RSPH4A: variants seen among roughly 807,000 people sequenced by gnomAD.
The protein encoded by RSPH4A is radial spoke head protein 4 homolog A.
A neutral mutation model predicts 71.0 loss-of-function variants in RSPH4A; 47 were observed. The ratio of observed to expected loss-of-function variants is 0.66; its 90% CI spans 0.52 to 0.84. The LOEUF is 0.84. Ranked by LOEUF, RSPH4A falls within the 40% of genes least tolerant of loss-of-function variation. RSPH4A has a pLI of 0.00. For missense variants in RSPH4A, 793 were observed against 855.2 expected (o/e 0.93, Z 0.91); for synonymous variants, 282 against 302.3 (o/e 0.93, Z 0.70).
At chr6:116,630,393 CTA>C in intron 4 of RSPH4A, 40 bp from the exon 5 acceptor site, 1 of 997,864 alleles carries the variant, frequency 1.0e-6, no homozygotes, top group Non-Finnish European at 1.6e-6. Context: ...AGATTCTTGT[CTA>C]GTTAGGAATT....
chr6:116,627,623 C>T lies in RSPH4A; in HGVS notation c.922-6C>T. Reference sequence around the variant, plus strand: ...TAAATTTTAACCACAGCATTTGTTTCCCCAGGCAGAAAACGCTCTTCCAAA... The same window carrying T: ...TAAATTTTAACCACAGCATTTGTTTTCCCAGGCAGAAAACGCTCTTCCAAA... On this transcript the variant is annotated splice_region_variant and splice_polypyrimidine_tract_variant and intron_variant, in intron 2 of 5. Transcript: ENST00000229554. 1 of 1,610,446 alleles carries T rather than the reference C, an allele frequency of 6.2e-7. No homozygotes were observed. The highest frequency in any genetic ancestry group is 8.5e-7 in the Non-Finnish European group (1 of 1,176,618).
Position 116,622,920 on chromosome 6 carries a change from C to A in RSPH4A, c.839C>A (p.Thr280Lys). The A allele has an allele frequency of 6.2e-7, 1 of 1,613,846 alleles. No homozygotes were observed. The highest frequency in any genetic ancestry group is 8.5e-7 in the Non-Finnish European group (1 of 1,179,842). Reference protein sequence around the residue: ...ALQNENELLPTYEIAEKQKAL... With the variant: ...ALQNENELLPKYEIAEKQKAL... ...CAAAATGAGAATGAGTTGCTTCCAA[C>A]ATATGAAATAGCAGAAAAGCAAAAG... The change falls in exon 2 of 6, where the codon ACA becomes AAA. Residue 280 changes from threonine (T) to lysine (K), a missense_variant. By Grantham distance (78) the Thr-to-Lys change is moderately conservative (BLOSUM62 -1). Transcript: ENST00000229554.
Position 116,627,912 on chromosome 6 carries a change from A to C in RSPH4A, c.1205A>C (p.Glu402Ala). ...DNGESEAHED[E>A]EDELPKSFYK... The stretch of plus-strand genomic sequence containing the variant: ...GGAGAAAGTGAAGCTCATGAAGATG[A>C]GGAAGATGAATTACCAAAGTCCTTT... The change falls in exon 3 of 6, where the codon GAG becomes GCG. Residue 402 changes from glutamate to alanine, a missense_variant. Glu to Ala is a moderately radical substitution (Grantham distance 107). Coordinates refer to ENST00000229554, the MANE Select transcript of RSPH4A (RefSeq NM_001010892.3). 6.2e-7 allele frequency: 1 copy of C among 1,614,040 alleles called. No homozygotes were observed. Among genetic ancestry groups the C allele is most frequent in the Non-Finnish European group, 8.5e-7 (1 of 1,179,912 alleles).
intron 2 of RSPH4A, among the ~76,000 whole-genome samples, chr6:116,624,195 C>T (rs1039751570): frequency 1.3e-5 from 2 of 152,194 alleles, no homozygotes; most frequent in Non-Finnish European, 2.9e-5. Context: ...AGAGACCTAA[C>T]TGATGCAGTA....
rs1210983522 is a variant in RSPH4A, at chr6:116,616,741, T to C, written c.118T>C (p.Ser40Pro). 1 of 1,613,904 alleles carries C rather than the reference T, an allele frequency of 6.2e-7. No individual in the cohort carries two copies. Among genetic ancestry groups the C allele is most frequent in the African/African-American group, 1.3e-5 (1 of 74,900 alleles). The change falls in exon 1 of 6, where the codon TCT becomes CCT. Residue 40 changes from serine (S) to proline (P), a missense_variant. Physicochemically the swap from Ser to Pro is moderately conservative, Grantham distance 74. Transcript: ENST00000229554. ...ASPQYSEPESSEPLEAKQGPE... is the reference protein window; with the variant it reads ...ASPQYSEPESPEPLEAKQGPE... The stretch of plus-strand genomic sequence containing the variant: ...TCCCCAATATTCTGAGCCTGAGTCG[T>C]CTGAGCCCTTGGAGGCGAAGCAGGG...
rs1562388214 is a variant in RSPH4A, at chr6:116,617,511, C to CT, written c.686+202_686+203insT. On this transcript the variant is annotated intron_variant, in intron 1 of 5. Transcript: ENST00000229554. ...GATTCTTGTACCTTCTTTTTCTTAACCTTTTTTTTTTTTTGTCCTTTTCCT... is the reference window on the plus strand; with the variant it reads ...GATTCTTGTACCTTCTTTTTCTTAACTCTTTTTTTTTTTTTGTCCTTTTCCT... 2.8e-5 allele frequency among the ~76,000 whole-genome samples: 4 copies of CT among 141,858 alleles called. No individual in the cohort carries two copies. The Admixed American group carries it at 2.8e-4, about 10-fold the overall frequency. The allele number at this position is 141,858 out of a possible 152,430, so 93.1% of individuals were successfully genotyped here.
At chr6:116,618,023 G>A (rs1775540168) in intron 1 of RSPH4A, among the ~76,000 whole-genome samples, 1 of 152,204 alleles carries the variant, frequency 6.6e-6, no homozygotes, top group African/African-American at 2.4e-5. Context: ...TTTAGGGCTA[G>A]AAGGGCTTTT....
chr6:116,629,502 A>C (rs1775757055), intron 3 of RSPH4A, 65 bp from the exon 4 acceptor site: 2 of 1,511,074 alleles, frequency 1.3e-6, no homozygotes, highest in East Asian at 4.5e-5. Context: ...TGATCAATTC[A>C]AATGAATAAT....
Position 116,627,626 on chromosome 6 carries a change from C to G in RSPH4A, c.922-3C>G. 1 of 1,612,118 alleles carries G rather than the reference C, an allele frequency of 6.2e-7. No homozygotes were observed. The highest frequency in any genetic ancestry group is 1.1e-5 in the South Asian group (1 of 91,014). Reference sequence around the variant, plus strand: ...ATTTTAACCACAGCATTTGTTTCCCCAGGCAGAAAACGCTCTTCCAAATGT... The same window carrying G: ...ATTTTAACCACAGCATTTGTTTCCCGAGGCAGAAAACGCTCTTCCAAATGT... On this transcript the variant is annotated splice_region_variant and splice_polypyrimidine_tract_variant and intron_variant, in intron 2 of 5. Transcript: ENST00000229554.
Position 116,632,901 on chromosome 6 carries a change from A to C in RSPH4A, c.*460A>C. The C allele has an allele frequency of 5.4e-6, 1 of 186,738 alleles. No individual in the cohort carries two copies. Among genetic ancestry groups the C allele is most frequent in the Non-Finnish European group, 1.1e-5 (1 of 88,334 alleles). 11.6% of individuals were successfully genotyped at this position (186,738 alleles called of 1,614,324 possible). The stretch of plus-strand genomic sequence containing the variant: ...GAGTGTCAAGGGGTATGAAGACAAA[A>C]AATATTGATAGTCACTAGAGTAATG... On this transcript the variant is annotated 3_prime_UTR_variant, in exon 6 of 6. Coordinates refer to ENST00000229554, the MANE Select transcript of RSPH4A (RefSeq NM_001010892.3).
intron 2 of RSPH4A, among the ~76,000 whole-genome samples, chr6:116,624,287 G>T (rs1370289153): frequency 6.6e-6 from 1 of 152,140 alleles, no homozygotes; most frequent in Non-Finnish European, 1.5e-5. Context: ...GGTGGCAGTT[G>T]GTTATGTAGC....
Position 116,629,566 on chromosome 6 carries a change from G to T in RSPH4A, c.1663-1G>T. ...CTAAATCTTGCAACATTCATTCCCA[G>T]GGTCGCTGTAATTGGTTCAACTCCA... On this transcript the variant is annotated splice_acceptor_variant, in intron 3 of 5. Transcript: ENST00000229554. LOFTEE classifies it high-confidence loss of function. 6.2e-7 allele frequency: 1 copy of T among 1,612,862 alleles called. No individual in the cohort carries two copies. Among genetic ancestry groups the T allele is most frequent in the Non-Finnish European group, 8.5e-7 (1 of 1,179,080 alleles).
intron 1 of RSPH4A, 123 bp from the exon 2 acceptor site, chr6:116,622,643 ATT>A (rs1775627991): frequency 1.5e-6 from 1 of 663,186 alleles, no homozygotes; most frequent in East Asian, 2.7e-5. Flanking sequence ...TAAGCTATAT[ATT>A]TTGTTTTTTT....
Position 116,617,170 on chromosome 6 carries a change from G to A in RSPH4A, c.547G>A (p.Glu183Lys). ...AGAGCTGAGATTTGACGTTTTTCAGGAGGAAGACTCAAACAGTGACTATGA... is the reference window on the plus strand; with the variant it reads ...AGAGCTGAGATTTGACGTTTTTCAGAAGGAAGACTCAAACAGTGACTATGA... ...QKELRFDVFQ[E>K]EDSNSDYDLQ... The change falls in exon 1 of 6, where the codon GAG becomes AAG. Residue 183 changes from glutamate to lysine, a missense_variant. Glu to Lys is a moderately conservative substitution (Grantham distance 56). Coordinates refer to ENST00000229554, the MANE Select transcript of RSPH4A (RefSeq NM_001010892.3). 6.2e-7 allele frequency: 1 copy of A among 1,614,220 alleles called. No homozygotes were observed. Among genetic ancestry groups the A allele is most frequent in the Non-Finnish European group, 8.5e-7 (1 of 1,180,046 alleles).
At position 116,627,811 on chromosome 6, in the gene RSPH4A, A is replaced by G; in HGVS notation, c.1104A>G (p.Val368=). Residue 368 remains valine, a synonymous_variant, in exon 3 of 6, where the codon GTA becomes GTG. Transcript: ENST00000229554. The part of the protein sequence containing the change: ...KILGLEMNYI[V]AEVEFREGED... ...TGGGTCTGGAAATGAATTATATTGT[A>G]GCTGAAGTGGAATTTCGTGAGGGGG... is the stretch of plus-strand genomic sequence containing the variant. The G allele has an allele frequency of 6.2e-7, 1 of 1,614,162 alleles. No individual in the cohort carries two copies. Among genetic ancestry groups the G allele is most frequent in the East Asian group, 2.2e-5 (1 of 44,882 alleles).
Position 116,627,781 on chromosome 6 carries a change from G to A in RSPH4A, c.1074G>A (p.Lys358=). The part of the protein sequence containing the change: ...HPIQRCRFWG[K]ILGLEMNYIV... ...TCCAAAGATGCCGCTTCTGGGGAAA[G>A]ATCTTGGGTCTGGAAATGAATTATA... Residue 358 remains lysine, a synonymous_variant, in exon 3 of 6, where the codon AAG becomes AAA. Transcript: ENST00000229554. The A allele has an allele frequency of 6.2e-7, 1 of 1,614,170 alleles. No homozygotes were observed.
At chr6:116,630,295 G>GT in intron 4 of RSPH4A, 140 bp from the exon 5 acceptor site, 5 of 725,184 alleles carry the variant, frequency 6.9e-6, no homozygotes, top group South Asian at 1.4e-5. Context: ...AGTTGCTGCT[G>GT]TTTTTTCTTT....
chr6:116,626,858 T>A (rs758778848), intron 2 of RSPH4A, among the ~76,000 whole-genome samples: 1 of 152,214 alleles, frequency 6.6e-6, no homozygotes, highest in Non-Finnish European at 1.5e-5. Context: ...TACAGGATAC[T>A]ATATTTTTAG....
rs540621872 is a variant in RSPH4A at position 116,626,753 on chromosome 6, A to G, written c.922-876A>G. Among the ~76,000 whole-genome samples, 643 of 151,946 alleles carry G rather than the reference A, an allele frequency of 4.2e-3. 4 individuals carry two copies. Among genetic ancestry groups the G allele is most frequent in the African/African-American group, 0.015 (621 of 41,504 alleles). ...TATTTTAAATTCAAAATAATTTATT[A>G]TAAGTAGAAGGAGCATCTGACTACA... is the stretch of plus-strand genomic sequence containing the variant. On this transcript the variant is annotated intron_variant, in intron 2 of 5. Transcript: ENST00000229554.
Sources: gnomAD v4.1 joint callset for allele counts (sites outside exome capture counted in the v4.1 genomes callset) on GRCh38, gnomAD v4.1.1 for gene constraint, MANE v1.5 for transcripts, NCBI Gene and HGNC (gene_info 2026-07-23, HGNC 2026-07-21) for gene names.